Variants in MC2R observed in about 807,000 individuals in gnomAD.
The protein encoded by MC2R is adrenocorticotropic hormone receptor.
Under a neutral mutation model 9.8 loss-of-function variants are expected in MC2R, and 9 were observed. The ratio of observed to expected loss-of-function variants is 0.92; its 90% confidence interval spans 0.55 to 1.60. The LOEUF is 1.60. Among genes scored for constraint, MC2R ranks in the 40% most tolerant of loss-of-function variants. MC2R has a pLI of 0.00. For missense variants in MC2R, 370 were observed against 389.0 expected (o/e 0.95, Z 0.41); for synonymous variants, 185 against 154.7 (o/e 1.20, Z -1.45).
In MC2R at chr18:13,882,457, T is replaced by C. The variant is rs1238081244; in HGVS notation, c.*2168A>G. ...ATTTTTGTTTCATCCACCATTAGAC[T>C]AGCCATCTTCATTTTGTTTCTTAGA... On this transcript the variant is annotated 3_prime_UTR_variant, in exon 2 of 2. Transcript: ENST00000327606. The C allele has an allele frequency of 6.6e-6, 1 of 152,252 alleles. No homozygotes were observed. Among genetic ancestry groups the C allele is most frequent in the African/African-American group, 2.4e-5 (1 of 41,472 alleles). 9.4% of individuals were successfully genotyped at this position (152,252 alleles called of 1,614,324 possible). A position where few individuals can be genotyped will look rare whatever the true frequency, so the allele number is the denominator to read the frequency against.
At chr18:13,903,393 C>T (rs2045392211) in intron 1 of MC2R, among the ~76,000 whole-genome samples, 1 of 152,192 alleles carries the variant, frequency 6.6e-6, no homozygotes, top group Non-Finnish European at 1.5e-5. Flanking sequence ...ATCTCCACTC[C>T]TATGTTGTTG....
At chr18:13,915,254 A>C (rs1204071342) in intron 1 of MC2R, among the ~76,000 whole-genome samples, 2 of 152,194 alleles carry the variant, frequency 1.3e-5, no homozygotes, top group East Asian at 1.9e-4. Flanking sequence ...GAAGCCAATA[A>C]ATTCATTAAT....
chr18:13,910,227 A>G (rs1170392997), intron 1 of MC2R, among the ~76,000 whole-genome samples: 3 of 152,076 alleles, frequency 2.0e-5, no homozygotes, highest in Non-Finnish European at 4.4e-5. Flanking sequence ...TCACCTGGCT[A>G]TATTTGTGTG....
chr18:13,885,300 G>T lies in MC2R; in HGVS notation c.219C>A (p.Gly73=). The T allele has an allele frequency of 2.5e-6, 4 of 1,614,090 alleles. No individual in the cohort carries two copies. Among genetic ancestry groups the T allele is most frequent in the South Asian group, 1.1e-5 (1 of 91,066 alleles). ...TATTTTCCAAGATCTTATATAGGCT[G>T]CCCAGCATATCAGATATGGCCAAGC... ...ICSLAISDML[G]SLYKILENIL... is the part of the protein sequence containing the mutation. Residue 73 remains glycine (G), a synonymous_variant, in exon 2 of 2, where the codon GGC becomes GGA. Coordinates refer to ENST00000327606, the MANE Select transcript of MC2R (RefSeq NM_000529.2).
At chr18:13,891,678 G>A (rs1189742799) in intron 1 of MC2R, among the ~76,000 whole-genome samples, 2 of 152,164 alleles carry the variant, frequency 1.3e-5, no homozygotes, top group Non-Finnish European at 2.9e-5. Context: ...GAGTCTGTGA[G>A]CCCTCCTTTT....
At position 13,883,402 on chromosome 18, in the gene MC2R, G is replaced by A. The variant is rs80161187; in HGVS notation, c.*1223C>T. On this transcript the variant is annotated 3_prime_UTR_variant, in exon 2 of 2. Transcript: ENST00000327606. ...GCCACTCTTCCATTGCTGGCATCTTGGCTGATGGGAGGATGACATTTCCCA... is the reference window on the plus strand; with the variant it reads ...GCCACTCTTCCATTGCTGGCATCTTAGCTGATGGGAGGATGACATTTCCCA... The A allele has an allele frequency of 5.7e-4, 87 of 152,244 alleles. No homozygotes were observed. Among genetic ancestry groups the A allele is most frequent in the African/African-American group, 2.0e-3 (84 of 41,542 alleles). The allele number at this position is 152,244 out of a possible 1,614,324, so 9.4% of individuals were successfully genotyped here. A position where few individuals can be genotyped will look rare whatever the true frequency, so the allele number is the denominator to read the frequency against.
At chr18:13,901,895 A>G (rs971952662) in intron 1 of MC2R, among the ~76,000 whole-genome samples, 1 of 152,174 alleles carries the variant, frequency 6.6e-6, no homozygotes, top group Admixed American at 6.5e-5. Context: ...TACCAGTATT[A>G]CCCTGACACC....
In MC2R at chr18:13,885,450, A is replaced by G. The variant is rs1425024379; in HGVS notation, c.69T>C (p.Arg23=). Residue 23 remains arginine (R), a synonymous_variant, in exon 2 of 2, where the codon CGT becomes CGC. Coordinates refer to ENST00000327606, the MANE Select transcript of MC2R (RefSeq NM_000529.2). The part of the protein sequence containing the change: ...NTARNNSDCP[R]VVLPEEIFFT... ...AAAATATCTCCTCCGGCAAAACCAC[A>G]CGAGGACAGTCGGAATTATTTCTTG... The G allele has an allele frequency of 6.2e-7, 1 of 1,614,148 alleles. No homozygotes were observed. Among genetic ancestry groups the G allele is most frequent in the South Asian group, 1.1e-5 (1 of 91,074 alleles).
chr18:13,884,600 A>C lies in MC2R; in HGVS notation c.*25T>G. The C allele has an allele frequency of 2.5e-6, 4 of 1,609,166 alleles. No homozygotes were observed. The highest frequency in any genetic ancestry group is 3.4e-6 in the Non-Finnish European group (4 of 1,179,346). ...GCACTTGGCAACGTTATTCCCATGG[A>C]TTCTAAAACCAGGGATCAGCCATTC... On this transcript the variant is annotated 3_prime_UTR_variant, in exon 2 of 2. Transcript: ENST00000327606.
At chr18:13,903,636 C>T (rs1381072097) in intron 1 of MC2R, among the ~76,000 whole-genome samples, 1 of 152,122 alleles carries the variant, frequency 6.6e-6, no homozygotes, top group Non-Finnish European at 1.5e-5. Flanking sequence ...CAATTGAACT[C>T]ATGGGCATAG....
In MC2R at chr18:13,885,053, T is replaced by G; in HGVS notation, c.466A>C (p.Thr156Pro). 1 of 1,614,062 alleles carries G rather than the reference T, an allele frequency of 6.2e-7. No homozygotes were observed. The highest frequency in any genetic ancestry group is 8.5e-7 in the Non-Finnish European group (1 of 1,180,004). ...RTVVVLTVIW[T>P]FCTGTGITMV... ...GTGATGCCAGTCCCCGTGCAGAACG[T>G]CCAGATGACCGTAAGCACCACCACA... The change falls in exon 2 of 2, where the codon ACG becomes CCG. Residue 156 changes from threonine (T) to proline (P), a missense_variant. Coordinates refer to ENST00000327606, the MANE Select transcript of MC2R (RefSeq NM_000529.2).
At chr18:13,907,304 A>G (rs975335557) in intron 1 of MC2R, among the ~76,000 whole-genome samples, 2 of 152,092 alleles carry the variant, frequency 1.3e-5, no homozygotes, top group African/African-American at 4.8e-5. Context: ...GGTGCTGGGA[A>G]AACTGGATAT....
intron 1 of MC2R, among the ~76,000 whole-genome samples, chr18:13,910,920 C>T (rs979968073): frequency 2.6e-5 from 4 of 152,232 alleles, no homozygotes; most frequent in Non-Finnish European, 4.4e-5. Context: ...GTCACCACCC[C>T]ATCATGGGTG....
At chr18:13,904,380 C>CA (rs56308792) in intron 1 of MC2R, among the ~76,000 whole-genome samples, 7,208 of 94,834 alleles carry the variant, frequency 0.076, 578 homozygotes, top group East Asian at 0.23. Flanking sequence ...GACCCCGTCT[C>CA]AAAAAAAAAA....
intron 1 of MC2R, among the ~76,000 whole-genome samples, chr18:13,903,696 G>T (rs2045394039): frequency 6.6e-6 from 1 of 152,186 alleles, no homozygotes; most frequent in Non-Finnish European, 1.5e-5. Context: ...TATGTGTGGG[G>T]TGGTTCTGGA....
intron 1 of MC2R, among the ~76,000 whole-genome samples, chr18:13,898,931 A>C (rs1464993195): frequency 6.6e-6 from 1 of 152,246 alleles, no homozygotes; most frequent in Non-Finnish European, 1.5e-5. Context: ...TGAAGACTAC[A>C]GTAAATACCT....
In MC2R at chr18:13,884,443, G is replaced by T. The variant is rs913831339; in HGVS notation, c.*182C>A. The T allele has an allele frequency of 5.9e-6, 4 of 674,102 alleles. No homozygotes were observed. The African/African-American group carries it at 7.1e-5, about 12-fold the overall frequency. 41.8% of individuals were successfully genotyped at this position (674,102 alleles called of 1,614,324 possible). On this transcript the variant is annotated 3_prime_UTR_variant, in exon 2 of 2. Coordinates refer to ENST00000327606, the MANE Select transcript of MC2R (RefSeq NM_000529.2). The stretch of plus-strand genomic sequence containing the variant: ...TGTCCAGTCACAAAGTTAAGAGGTT[G>T]CCCCTACAATAAGACTGTTCACATA...
chr18:13,913,906 G>C (rs1439398893), intron 1 of MC2R, among the ~76,000 whole-genome samples: 1 of 152,188 alleles, frequency 6.6e-6, no homozygotes, highest in Non-Finnish European at 1.5e-5. Context: ...CTGAGGCTGA[G>C]CCCTGCAGAC....
At chr18:13,907,314 TC>T (rs141066675) in intron 1 of MC2R, among the ~76,000 whole-genome samples, 1,797 of 152,162 alleles carry the variant, frequency 0.012, 34 homozygotes, top group African/African-American at 0.041. Context: ...AAACTGGATA[TC>T]CATATGCAGA....
Sources: gnomAD v4.1 joint callset for allele counts (sites outside exome capture counted in the v4.1 genomes callset) on GRCh38, gnomAD v4.1.1 for gene constraint, MANE v1.5 for transcripts, NCBI Gene and HGNC (gene_info 2026-07-23, HGNC 2026-07-21) for gene names.